Variants in POLR3C observed in about 807,000 individuals in gnomAD.
POLR3C encodes the protein DNA-directed RNA polymerase III subunit RPC3.
A neutral mutation model predicts 65.9 loss-of-function variants in POLR3C; 44 were observed. That is an observed-to-expected ratio of 0.67 (90% CI 0.52 to 0.86). The LOEUF (loss-of-function observed/expected upper bound fraction) is 0.86, where lower values mean the gene tolerates loss of function less well. Among genes scored for constraint, POLR3C ranks in the 40% least tolerant of loss-of-function variants. POLR3C has a pLI of 0.00. For missense variants in POLR3C, 576 were observed against 653.2 expected (o/e 0.88, Z 1.29); for synonymous variants, 263 against 231.6 (o/e 1.14, Z -1.23).
intron 4 of POLR3C, among the ~76,000 whole-genome samples, chr1:145,828,344 TG>T (rs1159688804): frequency 2.0e-5 from 3 of 152,164 alleles, no homozygotes; most frequent in Admixed American, 6.5e-5. Context: ...GGAAATGACA[TG>T]ATCTAATTTG....
At chr1:145,829,467 G>A (rs1034222739) in intron 5 of POLR3C, among the ~76,000 whole-genome samples, 3 of 152,134 alleles carry the variant, frequency 2.0e-5, no homozygotes, top group South Asian at 2.1e-4. Flanking sequence ...CTTTGCAAAC[G>A]CTTTCGTTAA....
chr1:145,836,701 C>G, intron 8 of POLR3C, 114 bp from the exon 9 acceptor site: 3 of 941,324 alleles, frequency 3.2e-6, no homozygotes, highest in South Asian at 1.3e-5. Context: ...GACAATTTCT[C>G]CACATCATTT....
At position 145,844,171 on chromosome 1, in the gene POLR3C, C is replaced by A. The variant is rs1256345725; in HGVS notation, c.*1751C>A. 6.6e-6 allele frequency among the ~76,000 whole-genome samples: 1 copy of A among 152,136 alleles called. No homozygotes were observed. The highest frequency in any genetic ancestry group is 1.5e-5 in the Non-Finnish European group (1 of 68,040). On this transcript the variant is annotated 3_prime_UTR_variant, in exon 15 of 15. Transcript: ENST00000334163. ...TCCACTACTGGGTATATATATATCT[C>A]CAAAAGGAAAGAAATCAATGTATCA...
intron 5 of POLR3C, among the ~76,000 whole-genome samples, chr1:145,829,200 A>T (rs782039968): frequency 1.1e-4 from 16 of 152,182 alleles, no homozygotes; most frequent in Non-Finnish European, 1.6e-4. Context: ...ACCTATAAAG[A>T]TGTCAGTAAG....
rs782478577 is a variant in POLR3C, at chr1:145,841,089, C to G, written c.1523+18C>G. ...GTCAACAAGTAAGCATCATAAACTTCAGACCTGCATTTCAGAATACCATCC... is the reference window on the plus strand; with the variant it reads ...GTCAACAAGTAAGCATCATAAACTTGAGACCTGCATTTCAGAATACCATCC... On this transcript the variant is annotated intron_variant, in intron 14 of 14. Transcript: ENST00000334163. 2 of 1,608,472 alleles carry G rather than the reference C, an allele frequency of 1.2e-6. No homozygotes were observed. The highest frequency in any genetic ancestry group is 1.1e-5 in the South Asian group (1 of 90,878).
rs782762070 is a variant in POLR3C, at chr1:145,826,575, G to A, written c.269G>A (p.Arg90Gln). The A allele has an allele frequency of 1.1e-5, 18 of 1,614,070 alleles. 1 individual carries two copies. Among genetic ancestry groups the A allele is most frequent in the Middle Eastern group, 1.6e-4 (1 of 6,062 alleles). Residue 90 changes from arginine to glutamine, a missense_variant, in exon 3 of 15, where the codon CGG becomes CAG. Transcript: ENST00000334163. ...SRVLRMLRYP[R>Q]YIYTTKTLYS... ...GTATTGCGAATGCTTAGATATCCCC[G>A]GTACATCTATACTACCAAAACTCTG...
chr1:145,838,700 A>G (rs1652056761), intron 11 of POLR3C, among the ~76,000 whole-genome samples: 1 of 151,960 alleles, frequency 6.6e-6, no homozygotes, highest in Non-Finnish European at 1.5e-5. Flanking sequence ...AAACAAAAAA[A>G]ACAAAAAACA....
Position 145,840,961 on chromosome 1 carries a change from T to A in POLR3C, c.1413T>A (p.Ile471=). ...AATCTCAGAGGGTAGAAGCCATCAT[T>A]GCATCTATGCAGGCTACTGGTGCAG... The part of the protein sequence containing the change: ...LEKSQRVEAI[I]ASMQATGAEE... The change falls in exon 14 of 15, where the codon ATT becomes ATA. Residue 471 remains isoleucine (I), a synonymous_variant. Transcript: ENST00000334163. 6.2e-7 allele frequency: 1 copy of A among 1,611,732 alleles called. No homozygotes were observed. Among genetic ancestry groups the A allele is most frequent in the Non-Finnish European group, 8.5e-7 (1 of 1,177,790 alleles).
chr1:145,840,826 A>G, intron 13 of POLR3C, 96 bp from the exon 14 acceptor site: 1 of 811,930 alleles, frequency 1.2e-6, no homozygotes, highest in East Asian at 2.5e-5. Context: ...TTTGATCAGG[A>G]AAATGGTAAA....
At position 145,841,009 on chromosome 1, in the gene POLR3C, A is replaced by AGAG. The variant is rs781965587; in HGVS notation, c.1465_1467dup (p.Glu489dup). 1.2e-6 allele frequency: 2 copies of AGAG among 1,613,002 alleles called. No homozygotes were observed. The highest frequency in any genetic ancestry group is 8.5e-7 in the Non-Finnish European group (1 of 1,178,924). On this transcript the variant is annotated inframe_insertion, in exon 14 of 15. Coordinates refer to ENST00000334163, the MANE Select transcript of POLR3C (RefSeq NM_006468.8). ...CAGAGGAAGCACAGTTACAAGAAAT[A>AGAG]GAGGAGATGATCACAGCTCCTGAAC...
chr1:145,831,014 A>G (rs1479737628), intron 5 of POLR3C, among the ~76,000 whole-genome samples: 1 of 151,712 alleles, frequency 6.6e-6, no homozygotes, highest in Non-Finnish European at 1.5e-5. Context: ...TGGGAGGATC[A>G]CTTGAGCCCA....
chr1:145,838,214 A>G lies in POLR3C; in HGVS notation c.1221+8A>G. On this transcript the variant is annotated splice_region_variant and intron_variant, in intron 11 of 14. Transcript: ENST00000334163. ...AATTTCATGTCACTCCAGGTAACCA[A>G]CCAAGGGCGTAATAATTGCCAACCA... The G allele has an allele frequency of 1.2e-6, 2 of 1,611,212 alleles. No homozygotes were observed. The highest frequency in any genetic ancestry group is 1.7e-6 in the Non-Finnish European group (2 of 1,177,536).
chr1:145,825,112 T>G (rs9725511), intron 1 of POLR3C, among the ~76,000 whole-genome samples: 10,719 of 151,208 alleles, frequency 0.071, 1,274 homozygotes, highest in African/African-American at 0.25. Context: ...ATTTTTTTTG[T>G]TTTTTTTTGT....
chr1:145,841,824 T>C (rs1357818953), intron 14 of POLR3C, among the ~76,000 whole-genome samples: 1 of 152,086 alleles, frequency 6.6e-6, no homozygotes, highest in Non-Finnish European at 1.5e-5. Flanking sequence ...CCCATTACCC[T>C]GGCTAGAACC....
At chr1:145,834,350 T>C (rs1472404516) in intron 7 of POLR3C, among the ~76,000 whole-genome samples, 6 of 152,148 alleles carry the variant, frequency 3.9e-5, no homozygotes, top group Admixed American at 3.3e-4. Context: ...GTCTACACGC[T>C]CAGGCTACAC....
chr1:145,838,251 C>G (rs782589791), intron 11 of POLR3C, 45 bp downstream of exon 11: 2 of 1,554,582 alleles, frequency 1.3e-6, no homozygotes, highest in Non-Finnish European at 1.8e-6. Flanking sequence ...CAAAGCTGGC[C>G]TAGGGTGAGA....
intron 11 of POLR3C, 126 bp downstream of exon 11, chr1:145,838,332 A>G: frequency 1.3e-6 from 1 of 770,922 alleles, no homozygotes. Flanking sequence ...GAAAAACATG[A>G]TTCACAGAGA....
At position 145,840,941 on chromosome 1, in the gene POLR3C, C is replaced by CA; in HGVS notation, c.1394dup (p.Arg466GlufsTer30). ...TGACAGGCGTCTACTAGAAAAATCT[C>CA]AGAGGGTAGAAGCCATCATTGCATC... On this transcript the variant is annotated frameshift_variant, in exon 14 of 15. Transcript: ENST00000334163. LOFTEE classifies it high-confidence loss of function. 1.2e-6 allele frequency: 2 copies of CA among 1,613,260 alleles called. No homozygotes were observed. The highest frequency in any genetic ancestry group is 1.7e-6 in the Non-Finnish European group (2 of 1,179,280).
At chr1:145,831,753 T>G (rs72701898) in intron 5 of POLR3C, among the ~76,000 whole-genome samples, 13,811 of 151,930 alleles carry the variant, frequency 0.091, 949 homozygotes, top group Non-Finnish European at 0.13. Flanking sequence ...CAAGAAAAAA[T>G]GGTGTCGGCC....
Sources: allele counts gnomAD v4.1 joint callset (sites outside exome capture counted in the v4.1 genomes callset), GRCh38; gene constraint gnomAD v4.1.1; transcripts MANE v1.5; gene names NCBI Gene and HGNC (gene_info 2026-07-23, HGNC 2026-07-21).